R3HDM2: variants seen among roughly 807,000 people sequenced by gnomAD.
The protein encoded by R3HDM2 is R3H domain-containing protein 2.
In R3HDM2, 38 loss-of-function variants were observed where a neutral mutation model predicts 124.5. The observed-to-expected ratio is 0.31, with a 90% CI of 0.24 to 0.40. The LOEUF (loss-of-function observed/expected upper bound fraction) is 0.40. R3HDM2 is among the 10% of genes least tolerant of loss of function. The probability of loss-of-function intolerance (pLI) is 1.00; values close to 1 mark genes in which losing one functional copy is unlikely to be tolerated. For synonymous variants in R3HDM2, 391 were observed against 448.0 expected (o/e 0.87, Z 1.61); for missense variants, 869 against 1,236.9 (o/e 0.70, Z 4.46).
chr12:57,331,706 A>AG (rs2058222040), intron 2 of R3HDM2, among the ~76,000 whole-genome samples: 1 of 151,950 alleles, frequency 6.6e-6, no homozygotes. Context: ...TGAGGTCAGG[A>AG]GATCAAGACC....
At chr12:57,336,583 T>G (rs1483678890) in intron 2 of R3HDM2, among the ~76,000 whole-genome samples, 1 of 152,260 alleles carries the variant, frequency 6.6e-6, no homozygotes, top group East Asian at 1.9e-4. Flanking sequence ...AAATACCGCA[T>G]GTTATCACTT....
At chr12:57,364,143 CTTTTTTT>C (rs11320875) in intron 2 of R3HDM2, among the ~76,000 whole-genome samples, 5 of 81,668 alleles carry the variant, frequency 6.1e-5, no homozygotes, top group Non-Finnish European at 9.5e-5. Flanking sequence ...GACTCGGTGT[CTTTTTTT>C]TTTTTTTTTT....
chr12:57,327,772 A>G (rs560609729), intron 2 of R3HDM2, among the ~76,000 whole-genome samples: 17 of 152,302 alleles, frequency 1.1e-4, no homozygotes, highest in Non-Finnish European at 2.2e-4. Flanking sequence ...GATGTGACTG[A>G]ATTGCTGCAA....
intron 2 of R3HDM2, among the ~76,000 whole-genome samples, chr12:57,354,112 G>A (rs1352998882): frequency 6.6e-6 from 1 of 151,830 alleles, no homozygotes; most frequent in Non-Finnish European, 1.5e-5. Context: ...TCAGGTGTCT[G>A]CCCACCTTGG....
intron 2 of R3HDM2, among the ~76,000 whole-genome samples, chr12:57,371,466 C>T (rs1164781077): frequency 2.0e-5 from 3 of 152,092 alleles, no homozygotes; most frequent in Admixed American, 2.0e-4. Context: ...ATTCTTCTTC[C>T]AAGCCTATAG....
intron 1 of R3HDM2, among the ~76,000 whole-genome samples, chr12:57,421,185 A>C (rs2070153624): frequency 7.8e-6 from 1 of 128,066 alleles, no homozygotes; most frequent in Admixed American, 8.8e-5. Flanking sequence ...TTTTTCTGAG[A>C]CAGAGTTTTG....
At chr12:57,398,010 C>T (rs1015094424) in intron 1 of R3HDM2, among the ~76,000 whole-genome samples, 4 of 151,784 alleles carry the variant, frequency 2.6e-5, no homozygotes, top group African/African-American at 7.3e-5. Flanking sequence ...AGTGAAACCC[C>T]GTCTCTACTA....
chr12:57,403,024 T>A (rs116769351), intron 1 of R3HDM2, among the ~76,000 whole-genome samples: 1,825 of 152,164 alleles, frequency 0.012, 33 homozygotes, highest in African/African-American at 0.041. Context: ...CAGTTGCCTC[T>A]GGAGAGAGGC....
intron 1 of R3HDM2, among the ~76,000 whole-genome samples, chr12:57,403,606 C>T (rs1193552096): frequency 1.3e-5 from 2 of 151,996 alleles, no homozygotes; most frequent in Non-Finnish European, 2.9e-5. Context: ...CTCAGGAATT[C>T]GAGACCAGCC....
At chr12:57,360,036 T>TATATATATATATATATATAC (rs2061724002) in intron 2 of R3HDM2, among the ~76,000 whole-genome samples, 1 of 78,408 alleles carries the variant, frequency 1.3e-5, no homozygotes, top group South Asian at 4.0e-4. Context: ...CACATATATA[T>TATATATATATATATATATAC]ATATATATAT....
chr12:57,418,518 T>C (rs2069872135), intron 1 of R3HDM2, among the ~76,000 whole-genome samples: 1 of 152,148 alleles, frequency 6.6e-6, no homozygotes, highest in Non-Finnish European at 1.5e-5. Flanking sequence ...ATATGGAGAC[T>C]GTTTTTTACC....
chr12:57,307,303 TG>T (rs1408039388), intron 3 of R3HDM2, among the ~76,000 whole-genome samples: 2 of 118,122 alleles, frequency 1.7e-5, no homozygotes, highest in Non-Finnish European at 3.8e-5. Flanking sequence ...GCAGAAATGC[TG>T]GGTTTTTTTG....
At chr12:57,372,151 G>A (rs1012563523) in intron 2 of R3HDM2, among the ~76,000 whole-genome samples, 1 of 152,162 alleles carries the variant, frequency 6.6e-6, no homozygotes, top group Non-Finnish European at 1.5e-5. Context: ...ACAGGTGTGA[G>A]CCACTGCACC....
intron 2 of R3HDM2, among the ~76,000 whole-genome samples, chr12:57,352,539 T>C (rs911605922): frequency 5.3e-5 from 8 of 150,410 alleles, no homozygotes; most frequent in Non-Finnish European, 1.2e-4. Flanking sequence ...GTCACCCAGG[T>C]TGGAGTGCAG....
chr12:57,410,350 T>C (rs2068902521), intron 1 of R3HDM2, among the ~76,000 whole-genome samples: 1 of 150,034 alleles, frequency 6.7e-6, no homozygotes, highest in African/African-American at 2.5e-5. Flanking sequence ...AAACTTCACA[T>C]TTCATGAACA....
intron 12 of R3HDM2, among the ~76,000 whole-genome samples, chr12:57,287,955 T>C (rs2047713639): frequency 6.6e-6 from 1 of 151,198 alleles, no homozygotes; most frequent in South Asian, 2.1e-4. Context: ...GAGTAAGTAA[T>C]GAACAATCGT....
chr12:57,353,848 TG>T (rs886473716), intron 2 of R3HDM2, among the ~76,000 whole-genome samples: 3 of 152,004 alleles, frequency 2.0e-5, no homozygotes, highest in African/African-American at 4.8e-5. Context: ...GGTAAAAATA[TG>T]TTTTTTTTAT....
intron 12 of R3HDM2, among the ~76,000 whole-genome samples, chr12:57,286,620 G>A (rs372615833): frequency 2.6e-5 from 4 of 152,254 alleles, no homozygotes; most frequent in Admixed American, 6.5e-5. Context: ...GGTGGCTCAC[G>A]CCTGTAATAT....
chr12:57,421,664 G>A (rs2070215070), intron 1 of R3HDM2, among the ~76,000 whole-genome samples: 1 of 150,870 alleles, frequency 6.6e-6, no homozygotes, highest in South Asian at 2.1e-4. Context: ...GTGCCACCAG[G>A]CCCAGCTAAT....
Sources: allele counts gnomAD v4.1 joint callset (sites outside exome capture counted in the v4.1 genomes callset), GRCh38; gene constraint gnomAD v4.1.1; transcripts MANE v1.5; gene names NCBI Gene and HGNC (gene_info 2026-07-23, HGNC 2026-07-21).